The following ZC3H12B variants were observed in gnomAD, a reference collection of about 807,000 sequenced individuals.
ZC3H12B encodes the protein probable ribonuclease ZC3H12B.
In ZC3H12B, 7 loss-of-function variants were observed where a neutral mutation model predicts 43.9. The observed-to-expected ratio is 0.16, with a 90% confidence interval of 0.09 to 0.30. The LOEUF (loss-of-function observed/expected upper bound fraction) is 0.30. Ranked by LOEUF, ZC3H12B falls within the 10% of genes least tolerant of loss-of-function variation. ZC3H12B has a pLI of 1.00. For missense variants in ZC3H12B, 475 were observed against 670.2 expected (o/e 0.71, Z 3.22); for synonymous variants, 222 against 241.7 (o/e 0.92, Z 0.76).
the ZC3H12B span, among the ~76,000 whole-genome samples, chrX:65,343,883 T>A: frequency 1.8e-5 from 2 of 111,978 alleles, no homozygotes; most frequent in Non-Finnish European, 3.8e-5. Flanking sequence ...GAAAGTCAAA[T>A]GATCCCTGTT....
At chrX:65,183,458 G>C in the ZC3H12B span, among the ~76,000 whole-genome samples, 1 of 110,698 alleles carries the variant, frequency 9.0e-6, no homozygotes, top group East Asian at 2.8e-4. Context: ...TACTTAATTG[G>C]GTACTATACT....
intron 3 of ZC3H12B, among the ~76,000 whole-genome samples, chrX:65,436,184 C>A (rs1353295788): frequency 8.9e-6 from 1 of 111,871 alleles, no homozygotes; most frequent in African/African-American, 3.3e-5. Flanking sequence ...TTCAAACAAC[C>A]AGATCTTGTG....
At chrX:65,071,289 G>GTTT in the ZC3H12B span, among the ~76,000 whole-genome samples, 2 of 80,629 alleles carry the variant, frequency 2.5e-5, no homozygotes, top group Non-Finnish European at 4.8e-5. Flanking sequence ...CTTTTTTTCA[G>GTTT]TTTTTTTTTT....
chrX:65,328,086 G>A, the ZC3H12B span: 1 of 256,548 alleles, frequency 3.9e-6, no homozygotes, highest in African/African-American at 2.9e-5. Flanking sequence ...AGGAAATAAG[G>A]AAGATAATTC....
rs1176941354 is a variant in ZC3H12B, at chrX:65,463,245, G to T, written n.408-25401G>T. 2.7e-5 allele frequency among the ~76,000 whole-genome samples: 3 copies of T among 111,809 alleles called. No individual in the cohort carries two copies. The Admixed American group carries it at 2.9e-4, about 11-fold the overall frequency. ...TGTAATATACTCATGTAACAAAGCT[G>T]CACAAGTACCCCTTGAATCTAAAAT... On this transcript the variant is annotated intron_variant and non_coding_transcript_variant, in intron 3 of 5. Transcript: ENST00000617377.
At chrX:65,156,530 G>C in the ZC3H12B span, among the ~76,000 whole-genome samples, 1 of 111,227 alleles carries the variant, frequency 9.0e-6, no homozygotes, top group African/African-American at 3.3e-5. Context: ...ACAGGCGTCT[G>C]TCACCACGCC....
chrX:65,058,017 G>A, the ZC3H12B span, among the ~76,000 whole-genome samples: 3 of 111,787 alleles, frequency 2.7e-5, no homozygotes, highest in East Asian at 5.6e-4. Context: ...GCTTCTTTGC[G>A]ATGTGTTCGA....
chrX:65,328,567 T>C, the ZC3H12B span: 1 of 184,032 alleles, frequency 5.4e-6, no homozygotes, highest in African/African-American at 3.2e-5. Flanking sequence ...TCTTTTTTTT[T>C]ATTATACTTT....
chrX:65,292,718 C>A, the ZC3H12B span, among the ~76,000 whole-genome samples: 1 of 110,780 alleles, frequency 9.0e-6, no homozygotes, highest in Non-Finnish European at 1.9e-5. Flanking sequence ...GGCATGGTGG[C>A]TTATTCCTGT....
At chrX:65,124,808 A>T in the ZC3H12B span, among the ~76,000 whole-genome samples, 2 of 110,249 alleles carry the variant, frequency 1.8e-5, no homozygotes, top group African/African-American at 6.6e-5. Context: ...AATCTTTTAT[A>T]TTTCTGTTGT....
chrX:65,342,837 CA>C, the ZC3H12B span, among the ~76,000 whole-genome samples: 1,937 of 55,423 alleles, frequency 0.035, 17 homozygotes, highest in Middle Eastern at 0.095. Flanking sequence ...GAGACTGAGA[CA>C]AAAAAAAAAA....
At chrX:65,421,531 A>C (rs1187079656) in intron 3 of ZC3H12B, among the ~76,000 whole-genome samples, 2 of 111,517 alleles carry the variant, frequency 1.8e-5, no homozygotes, top group East Asian at 5.6e-4. Context: ...GAATAATCAC[A>C]AACAGATTTG....
the ZC3H12B span, among the ~76,000 whole-genome samples, chrX:65,127,582 C>A: frequency 9.0e-6 from 1 of 111,060 alleles, no homozygotes; most frequent in East Asian, 2.9e-4. Flanking sequence ...GGCCACAGAG[C>A]TCCTAAGAGA....
chrX:65,145,747 A>T, the ZC3H12B span, among the ~76,000 whole-genome samples: 1 of 111,380 alleles, frequency 9.0e-6, no homozygotes, highest in Admixed American at 9.6e-5. Flanking sequence ...TATGAAGCTT[A>T]GTTTTGCTGG....
chrX:65,249,894 T>C, the ZC3H12B span, among the ~76,000 whole-genome samples: 1 of 107,517 alleles, frequency 9.3e-6, no homozygotes, highest in Non-Finnish European at 1.9e-5. Flanking sequence ...GAAGAGCTAC[T>C]TTTGTGTACA....
chrX:65,211,623 C>G, the ZC3H12B span, among the ~76,000 whole-genome samples: 6 of 93,319 alleles, frequency 6.4e-5, no homozygotes, highest in African/African-American at 2.4e-4. Flanking sequence ...ATTGGCCTAA[C>G]AACTTAAAAT....
chrX:65,218,541 G>T, the ZC3H12B span, among the ~76,000 whole-genome samples: 3 of 111,026 alleles, frequency 2.7e-5, no homozygotes, highest in Non-Finnish European at 5.7e-5. Context: ...GCCTGTGGCT[G>T]CTGGCTTTCC....
At chrX:65,096,052 T>C in the ZC3H12B span, among the ~76,000 whole-genome samples, 1 of 111,270 alleles carries the variant, frequency 9.0e-6, no homozygotes, top group East Asian at 2.8e-4. Flanking sequence ...ATCAGCACCA[T>C]AGTTAGATAT....
the ZC3H12B span, chrX:65,328,219 T>G: frequency 3.8e-5 from 9 of 237,919 alleles, no homozygotes; most frequent in Non-Finnish European, 6.7e-5. Flanking sequence ...CAGGGTGATC[T>G]GCAAGAATTT....
Sources: gnomAD v4.1 joint callset for allele counts (sites outside exome capture counted in the v4.1 genomes callset) on GRCh38, gnomAD v4.1.1 for gene constraint, MANE v1.5 for transcripts, NCBI Gene and HGNC (gene_info 2026-07-23, HGNC 2026-07-21) for gene names.